Variants in UTY observed in about 807,000 individuals in gnomAD.
The protein encoded by UTY is histone demethylase UTY.
In UTY, 12 loss-of-function variants were observed where a neutral mutation model predicts 32.5. The observed-to-expected ratio is 0.37, with a 90% CI of 0.24 to 0.60. The LOEUF (loss-of-function observed/expected upper bound fraction) is 0.60. Ranked by LOEUF, UTY falls within the 20% of genes least tolerant of loss-of-function variation. The pLI is 0.69. For synonymous variants in UTY, 131 were observed against 103.4 expected, an observed-to-expected ratio of 1.27 and a Z score of -1.62; for missense variants, 303 against 299.2, an observed-to-expected ratio of 1.01 and a Z score of -0.09.
chrY:13,304,888 G>T, intron 24 of UTY, among the ~76,000 whole-genome samples: 1 of 28,457 alleles, frequency 3.5e-5, no homozygotes, highest in Non-Finnish European at 8.2e-5. Context: ...CTCTCGGCTT[G>T]CATAGTTTAA....
At chrY:13,312,350 G>A in intron 21 of UTY, among the ~76,000 whole-genome samples, 3 of 29,713 alleles carry the variant, frequency 1.0e-4, no homozygotes, top group Admixed American at 6.0e-4. Flanking sequence ...CCGAGATCGC[G>A]CCACTGCACT....
At chrY:13,375,337 T>G in intron 8 of UTY, among the ~76,000 whole-genome samples, 1 of 34,106 alleles carries the variant, frequency 2.9e-5, no homozygotes. Flanking sequence ...TTTTTAAATT[T>G]TATATACATT....
At chrY:13,383,876 A>G (rs2066430378) in intron 8 of UTY, among the ~76,000 whole-genome samples, 2 of 33,560 alleles carry the variant, frequency 6.0e-5, no homozygotes, top group South Asian at 6.5e-4. Context: ...TTAAAAGATA[A>G]TAAGAGAATG....
chrY:13,275,431 T>TA, intron 27 of UTY, among the ~76,000 whole-genome samples: 1 of 33,919 alleles, frequency 2.9e-5, no homozygotes, highest in Non-Finnish European at 7.3e-5. Flanking sequence ...TCAGACTCCT[T>TA]AAGCAATAGA....
intron 27 of UTY, among the ~76,000 whole-genome samples, chrY:13,283,122 C>T: frequency 5.8e-5 from 2 of 34,478 alleles, no homozygotes; most frequent in Non-Finnish European, 1.5e-4. Flanking sequence ...CACTTTTGTT[C>T]CGGTTTTGAC....
chrY:13,392,472 C>T, intron 8 of UTY, among the ~76,000 whole-genome samples: 2 of 33,524 alleles, frequency 6.0e-5, no homozygotes, highest in African/African-American at 1.2e-4. Context: ...GATTTAAATG[C>T]ATTTTGTAAA....
At chrY:13,261,515 A>G in intron 27 of UTY, among the ~76,000 whole-genome samples, 1 of 33,598 alleles carries the variant, frequency 3.0e-5, no homozygotes, top group Non-Finnish European at 7.4e-5. Context: ...TAAGTTTTAT[A>G]TAAATTTAAA....
intron 3 of UTY, among the ~76,000 whole-genome samples, chrY:13,468,949 C>T: frequency 3.0e-5 from 1 of 32,811 alleles, no homozygotes; most frequent in Non-Finnish European, 7.5e-5. Context: ...AAGTAGTATA[C>T]CCCCACCAAC....
chrY:13,419,740 A>C (rs773879102), intron 4 of UTY, among the ~76,000 whole-genome samples: 1 of 33,553 alleles, frequency 3.0e-5, no homozygotes, highest in Admixed American at 2.7e-4. Context: ...GACTGGGAAC[A>C]CAGGCAACAA....
At chrY:13,256,095 C>T (rs2054693773) in intron 28 of UTY, among the ~76,000 whole-genome samples, 1 of 33,442 alleles carries the variant, frequency 3.0e-5, no homozygotes, top group Non-Finnish European at 7.4e-5. Context: ...TACCATTGTG[C>T]CACAGAAAGT....
At chrY:13,380,803 G>GA (rs79049117) in intron 8 of UTY, among the ~76,000 whole-genome samples, 2 of 28,613 alleles carry the variant, frequency 7.0e-5, no homozygotes, top group African/African-American at 1.4e-4. Context: ...CAGGGGAAAA[G>GA]AAAAAAAAAA....
At chrY:13,298,911 T>C in intron 26 of UTY, 46 bp downstream of exon 26, 1 of 323,599 alleles carries the variant, frequency 3.1e-6, no homozygotes, top group Non-Finnish European at 4.5e-6. Flanking sequence ...ACCTACTAGG[T>C]AATCCTTTAA....
chrY:13,366,518 A>C, intron 9 of UTY, 125 bp from the exon 10 acceptor site: 1 of 125,292 alleles, frequency 8.0e-6, no homozygotes, highest in South Asian at 1.2e-4. Context: ...ACATTTTCCC[A>C]AAATTTAAAA....
At chrY:13,265,027 GGT>G (rs2055641816) in intron 27 of UTY, among the ~76,000 whole-genome samples, 1 of 33,364 alleles carries the variant, frequency 3.0e-5, no homozygotes, top group Admixed American at 2.7e-4. Flanking sequence ...GTTTTTGTCA[GGT>G]GTGTCAAGAT....
chrY:13,301,654 T>A (rs999359546), intron 25 of UTY, among the ~76,000 whole-genome samples: 3 of 33,316 alleles, frequency 9.0e-5, no homozygotes, highest in Non-Finnish European at 1.5e-4. Flanking sequence ...TGAACAAAAG[T>A]CATTATATTT....
intron 3 of UTY, among the ~76,000 whole-genome samples, chrY:13,456,006 A>C: frequency 3.1e-5 from 1 of 32,033 alleles, no homozygotes; most frequent in African/African-American, 1.2e-4. Context: ...TAGTGACCCC[A>C]AAAAGACCAC....
At chrY:13,253,618 C>T in intron 28 of UTY, among the ~76,000 whole-genome samples, 1 of 33,680 alleles carries the variant, frequency 3.0e-5, no homozygotes, top group African/African-American at 1.2e-4. Context: ...TTTAAACAAG[C>T]TATAAATCAG....
chrY:13,342,239 G>A, intron 17 of UTY, among the ~76,000 whole-genome samples: 1 of 33,180 alleles, frequency 3.0e-5, no homozygotes, highest in South Asian at 6.8e-4. Context: ...TCCTAGCAAA[G>A]CCACCCATGG....
chrY:13,255,094 A>T (rs1603245552), intron 28 of UTY, among the ~76,000 whole-genome samples: 4 of 33,538 alleles, frequency 1.2e-4, no homozygotes, highest in African/African-American at 4.7e-4. Context: ...TGGACTTGGT[A>T]AAGTCCCTGT....
Sources: allele counts gnomAD v4.1 joint callset (sites outside exome capture counted in the v4.1 genomes callset), GRCh38; gene constraint gnomAD v4.1.1; transcripts MANE v1.5; gene names NCBI Gene and HGNC (gene_info 2026-07-23, HGNC 2026-07-21).